SMUG1: variants seen among roughly 807,000 people sequenced by gnomAD.
SMUG1 encodes the protein single-strand-selective monofunctional uracil-DNA glycosylase 1.
A neutral mutation model predicts 23.9 loss-of-function variants in SMUG1; 13 were observed. The observed-to-expected ratio is 0.54, with a 90% CI of 0.35 to 0.86. SMUG1 has a LOEUF of 0.86. Ranked by LOEUF, SMUG1 falls within the 40% of genes least tolerant of loss-of-function variation. SMUG1 has a pLI of 0.01. For synonymous variants in SMUG1, 133 were observed against 139.8 expected (o/e 0.95, Z 0.34); for missense variants, 313 against 339.5 (o/e 0.92, Z 0.61).
chr12:54,185,305 C>CAA (rs759445921), intron 2 of SMUG1, among the ~76,000 whole-genome samples: 1 of 137,684 alleles, frequency 7.3e-6, no homozygotes, highest in African/African-American at 2.7e-5. Context: ...AACTCTCTCT[C>CAA]AAAAAAAAAA....
At chr12:54,186,340 G>C (rs906996782) in intron 2 of SMUG1, among the ~76,000 whole-genome samples, 31 of 103,114 alleles carry the variant, frequency 3.0e-4, no homozygotes, top group African/African-American at 1.0e-3. Context: ...TTTTTGTTTT[G>C]TTTTGTTTTG....
rs1941285336 is a variant in SMUG1 at position 54,182,340 on chromosome 12, A to G, written c.569T>C (p.Leu190Pro). The G allele has an allele frequency of 6.2e-7, 1 of 1,614,102 alleles. No homozygotes were observed. The highest frequency in any genetic ancestry group is 2.2e-5 in the East Asian group (1 of 44,852). ...AELPAKQREQ[L>P]LGICDAALCR... ...GAGGGCTGCATCACAGATCCCAAGA[A>G]GCTGTTCTCGCTGCTTGGCAGGCAG... Residue 190 changes from leucine (L) to proline (P), a missense_variant, in exon 4 of 4, where the codon CTT becomes CCT. Leu to Pro is a moderately conservative substitution (Grantham distance 98). Coordinates refer to ENST00000682136, the MANE Select transcript of SMUG1 (RefSeq NM_001243787.2).
intron 2 of SMUG1, 156 bp from the exon 3 acceptor site, chr12:54,184,115 A>C: frequency 5.6e-6 from 3 of 534,270 alleles, no homozygotes; most frequent in Non-Finnish European, 9.5e-6. Flanking sequence ...GACTGAACTC[A>C]TCTCAGTTCT....
intron 3 of SMUG1, among the ~76,000 whole-genome samples, chr12:54,169,789 T>C (rs1290240653): frequency 6.6e-6 from 1 of 152,116 alleles, no homozygotes; most frequent in East Asian, 1.9e-4. Context: ...TAAAATCAGG[T>C]AATAGTACAT....
rs777682048 is a variant in SMUG1 at position 54,182,510 on chromosome 12, C to T, written c.399G>A (p.Gln133=). Residue 133 remains glutamine (Q), a synonymous_variant, in exon 4 of 4, where the codon CAG becomes CAA. Coordinates refer to ENST00000682136, the MANE Select transcript of SMUG1 (RefSeq NM_001243787.2). Reference sequence around the variant, plus strand: ...AGAATCGGGCACCACTCACTTCTGACTGTGGGCACTCCAGTCCCAGCACTG... The same window carrying T: ...AGAATCGGGCACCACTCACTTCTGATTGTGGGCACTCCAGTCCCAGCACTG... ...KRPVLGLECP[Q]SEVSGARFWG... The T allele has an allele frequency of 3.7e-6, 6 of 1,614,126 alleles. No individual in the cohort carries two copies. The highest frequency in any genetic ancestry group is 4.2e-6 in the Non-Finnish European group (5 of 1,180,024).
At chr12:54,186,283 C>G (rs1942429650) in intron 2 of SMUG1, among the ~76,000 whole-genome samples, 1 of 152,152 alleles carries the variant, frequency 6.6e-6, no homozygotes, top group South Asian at 2.1e-4. Context: ...TGTCCCAACC[C>G]CACCCCCAAC....
chr12:54,160,414 T>C (rs576143407), downstream of SMUG1, among the ~76,000 whole-genome samples: 34 of 152,052 alleles, frequency 2.2e-4, no homozygotes, highest in African/African-American at 5.5e-4. Context: ...TGAGGAGGGG[T>C]AGGGAAGAGC....
downstream of SMUG1, among the ~76,000 whole-genome samples, chr12:54,164,175 T>C (rs182989042): frequency 7.5e-6 from 1 of 132,702 alleles, no homozygotes; most frequent in East Asian, 2.2e-4. Context: ...GCCACAGAGA[T>C]GGAGAAGGGA....
intron 3 of SMUG1, 56 bp from the exon 4 acceptor site, chr12:54,182,679 C>T: frequency 1.9e-6 from 3 of 1,548,118 alleles, no homozygotes; most frequent in Admixed American, 2.0e-5. Flanking sequence ...GAGGCCCGGG[C>T]TCTGGACCAA....
At chr12:54,175,161 T>C (rs1254466250) in intron 2 of SMUG1, 1 of 152,194 alleles carries the variant, frequency 6.6e-6, no homozygotes, top group East Asian at 1.9e-4. Flanking sequence ...AACAAGAATA[T>C]TCAGAGTCAA....
intron 4 of SMUG1, chr12:54,164,882 GA>G (rs1228463463): frequency 3.3e-5 from 5 of 152,204 alleles, no homozygotes; most frequent in African/African-American, 1.2e-4. Flanking sequence ...CAACCCTTGT[GA>G]CGGAGGCAGT....
chr12:54,182,437 G>A lies in SMUG1; in HGVS notation c.472C>T (p.His158Tyr), dbSNP rs1941317526. The change falls in exon 4 of 4, where the codon CAC becomes TAC. Residue 158 changes from histidine to tyrosine, a missense_variant. Physicochemically the swap from His to Tyr is moderately conservative, Grantham distance 83. Coordinates refer to ENST00000682136, the MANE Select transcript of SMUG1 (RefSeq NM_001243787.2). ...GGGCATAGATTGTGGACAAAACAGT[G>A]ATGGAAGAAGACCTCAGGCTGTCCA... ...LCGQPEVFFH[H>Y]CFVHNLCPLL... 1.2e-6 allele frequency: 2 copies of A among 1,614,094 alleles called. No homozygotes were observed. The highest frequency in any genetic ancestry group is 3.3e-5 in the Admixed American group (2 of 60,014).
chr12:54,185,475 AAT>A (rs1324792162), intron 2 of SMUG1, among the ~76,000 whole-genome samples: 2 of 86,038 alleles, frequency 2.3e-5, no homozygotes, highest in African/African-American at 7.9e-5. Context: ...CTCAAAAAAA[AAT>A]AAAATAAAAA....
rs769345683 is a variant in SMUG1, at chr12:54,182,573, C to T, written c.336G>A (p.Gly112=). The T allele has an allele frequency of 3.1e-6, 5 of 1,613,942 alleles. No homozygotes were observed. In the African/African-American group the frequency reaches 6.7e-5, roughly 22 times the overall value. Residue 112 remains glycine (G), a synonymous_variant, in exon 4 of 4, where the codon GGG becomes GGA. Coordinates refer to ENST00000682136, the MANE Select transcript of SMUG1 (RefSeq NM_001243787.2). ...SMVRDWLGIV[G]PVLTPPQEHP... is the part of the protein sequence containing the mutation. ...GCTCTTGGGGAGGGGTCAGCACAGG[C>T]CCCACAATGCCCAACCAGTCCCGGA...
chr12:54,160,964 G>C (rs1441143803), downstream of SMUG1, among the ~76,000 whole-genome samples: 1 of 152,174 alleles, frequency 6.6e-6, no homozygotes, highest in Non-Finnish European at 1.5e-5. Flanking sequence ...CATGCCCTCA[G>C]AAACATGCAA....
intron 1 of SMUG1, among the ~76,000 whole-genome samples, chr12:54,188,299 AAT>A (rs1565844665): frequency 0.13 from 7,624 of 59,464 alleles, 270 homozygotes; most frequent in East Asian, 0.27. Flanking sequence ...AATAATAAAT[AAT>A]AATAATAATA....
intron 3 of SMUG1, among the ~76,000 whole-genome samples, chr12:54,170,268 A>C (rs568788865): frequency 1.3e-5 from 2 of 152,006 alleles, no homozygotes; most frequent in East Asian, 3.9e-4. Context: ...AAAGCAGTAA[A>C]GGTGAACTAA....
rs768901193 is a variant in SMUG1, at chr12:54,183,782, G to A, written c.159C>T (p.Ile53=). 3.1e-6 allele frequency: 5 copies of A among 1,614,046 alleles called. No homozygotes were observed. The Admixed American group carries it at 5.0e-5, about 16-fold the overall frequency. ...ATGCATACTCCACGGGATTGTAGAT[G>A]ATGCCCACAGGCTCCGAAAACTGCA... The part of the protein sequence containing the change: ...SQLQFSEPVG[I]IYNPVEYAWE... The change falls in exon 3 of 4, where the codon ATC becomes ATT. Residue 53 remains isoleucine, a synonymous_variant. Transcript: ENST00000682136.
At chr12:54,169,649 G>A (rs2136540956) in intron 3 of SMUG1, among the ~76,000 whole-genome samples, 1 of 152,306 alleles carries the variant, frequency 6.6e-6, no homozygotes, top group South Asian at 2.1e-4. Flanking sequence ...AGAGGAAAAT[G>A]ATGAGAAAAT....
Sources: allele counts gnomAD v4.1 joint callset (sites outside exome capture counted in the v4.1 genomes callset), GRCh38; gene constraint gnomAD v4.1.1; transcripts MANE v1.5; gene names NCBI Gene and HGNC (gene_info 2026-07-23, HGNC 2026-07-21).